RBPJ: variants seen among roughly 807,000 people sequenced by gnomAD.
RBPJ encodes the protein recombination signal binding protein for immunoglobulin kappa J region.
In RBPJ, 9 loss-of-function variants were observed where a neutral mutation model predicts 67.8. The ratio of observed to expected loss-of-function variants is 0.13; its 90% confidence interval spans 0.08 to 0.23. The LOEUF (loss-of-function observed/expected upper bound fraction) is 0.23, where lower values mean the gene tolerates loss of function less well. Ranked by LOEUF, RBPJ falls within the 10% of genes least tolerant of loss-of-function variation. The probability of loss-of-function intolerance (pLI) is 1.00; values close to 1 mark genes in which losing one functional copy is unlikely to be tolerated. For synonymous variants in RBPJ, 198 were observed against 203.3 expected (o/e 0.97, Z 0.22); for missense variants, 305 against 595.6 (o/e 0.51, Z 5.08).
intron 2 of RBPJ, among the ~76,000 whole-genome samples, chr4:26,396,271 G>T (rs993659955): frequency 7.9e-5 from 12 of 152,172 alleles, no homozygotes; most frequent in Admixed American, 7.2e-4. Context: ...CCATAAATGG[G>T]TAAATAATTC....
chr4:26,415,687 GA>G (rs922010066), intron 4 of RBPJ, 47 bp downstream of exon 4: 1 of 1,506,136 alleles, frequency 6.6e-7, no homozygotes, highest in Non-Finnish European at 8.9e-7. Flanking sequence ...CATGGTACCA[GA>G]ATGTAGTTTT....
rs568628110 is a variant in RBPJ, at chr4:26,426,077, AAATTATAATAAAAAGGGT to A, written c.747+1337_747+1354del. Among the ~76,000 whole-genome samples the A allele has an allele frequency of 9.2e-5, 14 of 152,340 alleles. No homozygotes were observed. In the South Asian group the frequency reaches 2.7e-3, roughly 29 times the overall value. On this transcript the variant is annotated intron_variant, in intron 7 of 10. Coordinates refer to ENST00000355476, the MANE Select transcript of RBPJ (RefSeq NM_015874.6). ...ATCTGTAAAGCTTTGCAGCTGAGAC[AAATTATAATAAAAAGGGT>A]AACGTTAGGGAATGAAGGGCATGAA...
the RBPJ span, among the ~76,000 whole-genome samples, chr4:26,106,849 A>G: frequency 6.6e-6 from 1 of 152,274 alleles, no homozygotes; most frequent in East Asian, 1.9e-4. Context: ...AGTTTTGCAC[A>G]TGGACCTGGG....
chr4:26,208,291 C>T (rs1718240587), intron 1 of RBPJ, among the ~76,000 whole-genome samples: 1 of 152,144 alleles, frequency 6.6e-6, no homozygotes, highest in South Asian at 2.1e-4. Flanking sequence ...CCTAAGTTCC[C>T]ACTGATAAAA....
intron 1 of RBPJ, among the ~76,000 whole-genome samples, chr4:26,344,047 A>C (rs998826688): frequency 6.6e-6 from 1 of 150,772 alleles, no homozygotes; most frequent in African/African-American, 2.4e-5. Context: ...CACTGCCCCC[A>C]GCCTGTACTT....
At chr4:26,426,603 T>C (rs1488855529) in intron 7 of RBPJ, among the ~76,000 whole-genome samples, 1 of 152,184 alleles carries the variant, frequency 6.6e-6, no homozygotes, top group Admixed American at 6.5e-5. Flanking sequence ...AATACCCATG[T>C]AAAGGATTTA....
At chr4:26,120,698 A>C in the RBPJ span, among the ~76,000 whole-genome samples, 2 of 147,136 alleles carry the variant, frequency 1.4e-5, no homozygotes, top group Non-Finnish European at 3.0e-5. Context: ...TAGGTTACTC[A>C]AGACCATTTT....
At position 26,433,585 on chromosome 4, in the gene RBPJ, A is replaced by G. The variant is rs567761839; in HGVS notation, c.*2578A>G. The G allele has an allele frequency of 1.3e-5, 2 of 152,226 alleles. No homozygotes were observed. Among genetic ancestry groups the G allele is most frequent in the Non-Finnish European group, 2.9e-5 (2 of 68,032 alleles). 9.4% of individuals were successfully genotyped at this position (152,226 alleles called of 1,614,324 possible). ...TTCCGTAAGATAATTGAAATATTAT[A>G]CTGTAAACCCTTTTCTTTTCTTTTT... On this transcript the variant is annotated 3_prime_UTR_variant, in exon 11 of 11. Transcript: ENST00000355476.
the RBPJ span, among the ~76,000 whole-genome samples, chr4:26,108,610 C>T: frequency 6.6e-6 from 1 of 152,210 alleles, no homozygotes; most frequent in African/African-American, 2.4e-5. Context: ...TATTACCTAT[C>T]TTATAGGGTT....
intron 5 of RBPJ, among the ~76,000 whole-genome samples, chr4:26,422,111 T>A (rs766323308): frequency 6.6e-6 from 1 of 152,202 alleles, no homozygotes; most frequent in Non-Finnish European, 1.5e-5. Flanking sequence ...TCTCTCTTAC[T>A]TTCCATGAAC....
chr4:26,203,686 T>G (rs1019868942), intron 1 of RBPJ, among the ~76,000 whole-genome samples: 1 of 152,166 alleles, frequency 6.6e-6, no homozygotes, highest in African/African-American at 2.4e-5. Context: ...ATAAAGGCAT[T>G]AGCTGCCAGC....
Position 26,254,688 on chromosome 4 carries a change from A to AT in RBPJ, c.-167+91081dup, listed in dbSNP as rs1307436810. Among the ~76,000 whole-genome samples the AT allele has an allele frequency of 4.1e-5, 6 of 146,456 alleles. 1 individual carries two copies. The highest frequency in any genetic ancestry group is 1.6e-4 in the African/African-American group (6 of 36,736). Reference sequence around the variant, plus strand: ...CTATATAGCATGTTTATTTTTAATTATTTTTTTAAGACAGAGTCACACCCT... The same window carrying AT: ...CTATATAGCATGTTTATTTTTAATTATTTTTTTTAAGACAGAGTCACACCCT... On this transcript the variant is annotated intron_variant, in intron 1 of 4. Coordinates refer to the RBPJ transcript ENST00000512351.
intron 1 of RBPJ, among the ~76,000 whole-genome samples, chr4:26,306,948 T>C (rs1275800183): frequency 1.3e-5 from 2 of 152,198 alleles, no homozygotes; most frequent in African/African-American, 4.8e-5. Context: ...CTTTCGTAAA[T>C]CATTTTTGTA....
chr4:26,166,262 TTC>T (rs1340099841), intron 1 of RBPJ, among the ~76,000 whole-genome samples: 1 of 122,758 alleles, frequency 8.1e-6, no homozygotes, highest in Non-Finnish European at 1.7e-5. Context: ...CAAATGGTAT[TTC>T]TAGTTCTAGA....
At chr4:26,206,566 C>T (rs548681374) in intron 1 of RBPJ, among the ~76,000 whole-genome samples, 2 of 152,278 alleles carry the variant, frequency 1.3e-5, no homozygotes, top group South Asian at 4.1e-4. Context: ...AATTTTTTAA[C>T]ACCACAACCA....
intron 2 of RBPJ, 116 bp downstream of exon 2, chr4:26,386,507 A>G: frequency 1.5e-6 from 1 of 655,280 alleles, no homozygotes; most frequent in South Asian, 2.5e-5. Context: ...TACTGTCTAG[A>G]GCATAAACTT....
At chr4:26,182,186 C>T (rs1236008053) in intron 1 of RBPJ, among the ~76,000 whole-genome samples, 1 of 151,974 alleles carries the variant, frequency 6.6e-6, no homozygotes, top group African/African-American at 2.4e-5. Flanking sequence ...ACTAAAAGTA[C>T]AAAAAATTAG....
chr4:26,273,850 C>T (rs190021062), intron 1 of RBPJ, among the ~76,000 whole-genome samples: 297 of 152,330 alleles, frequency 1.9e-3, no homozygotes, highest in Non-Finnish European at 2.1e-3. Flanking sequence ...TGAAGCTGAA[C>T]GCAGCCAAGA....
chr4:26,200,583 A>G (rs1717947079), intron 1 of RBPJ, among the ~76,000 whole-genome samples: 1 of 151,958 alleles, frequency 6.6e-6, no homozygotes, highest in African/African-American at 2.4e-5. Context: ...AGGTGGGAGG[A>G]TCACTTGAGC....
Sources: gnomAD v4.1 joint callset for allele counts (sites outside exome capture counted in the v4.1 genomes callset) on GRCh38, gnomAD v4.1.1 for gene constraint, MANE v1.5 for transcripts, NCBI Gene and HGNC (gene_info 2026-07-23, HGNC 2026-07-21) for gene names.